ARHGAP15: variants seen among roughly 807,000 people sequenced by gnomAD.
ARHGAP15 encodes the protein Rho GTPase activating protein 15.
ARHGAP15 carries 51 observed loss-of-function variants against 63.7 expected under a neutral mutation model. That is an observed-to-expected ratio of 0.80 (90% CI 0.64 to 1.01). The LOEUF is 1.01. Among genes scored for constraint, ARHGAP15 ranks in the 50% least tolerant of loss-of-function variants. The pLI is 0.00. For missense variants in ARHGAP15, 560 were observed against 564.6 expected, an observed-to-expected ratio of 0.99 and a Z score of 0.08; for synonymous variants, 191 against 193.8, an observed-to-expected ratio of 0.99 and a Z score of 0.12.
chr2:143,585,424 C>G (rs147504972), intron 11 of ARHGAP15, among the ~76,000 whole-genome samples: 3 of 151,830 alleles, frequency 2.0e-5, no homozygotes, highest in Non-Finnish European at 2.9e-5. Flanking sequence ...AAATAAATAT[C>G]TTAATATTTA....
At chr2:143,459,044 G>C (rs972979254) in intron 8 of ARHGAP15, among the ~76,000 whole-genome samples, 1 of 152,094 alleles carries the variant, frequency 6.6e-6, no homozygotes, top group Non-Finnish European at 1.5e-5. Context: ...ATGCTTGGAG[G>C]CATAGTTGTA....
intron 10 of ARHGAP15, among the ~76,000 whole-genome samples, chr2:143,542,495 G>A (rs190300196): frequency 2.0e-5 from 3 of 151,736 alleles, no homozygotes; most frequent in East Asian, 3.9e-4. Flanking sequence ...GACTGGAGCT[G>A]TTCCTATTCG....
intron 8 of ARHGAP15, among the ~76,000 whole-genome samples, chr2:143,439,040 A>G (rs1689742035): frequency 2.0e-5 from 3 of 152,046 alleles, no homozygotes; most frequent in Non-Finnish European, 2.9e-5. Flanking sequence ...AAAATCTTAG[A>G]TAGAACACTC....
intron 8 of ARHGAP15, among the ~76,000 whole-genome samples, chr2:143,472,396 C>T (rs1371891408): frequency 1.3e-5 from 2 of 152,020 alleles, no homozygotes; most frequent in African/African-American, 4.8e-5. Flanking sequence ...AACATTCATG[C>T]AGTTGGAGAA....
chr2:143,533,011 C>T (rs1279485380), intron 10 of ARHGAP15, among the ~76,000 whole-genome samples: 1 of 152,138 alleles, frequency 6.6e-6, no homozygotes, highest in African/African-American at 2.4e-5. Flanking sequence ...ATTTTATGAA[C>T]AACAACTTCA....
intron 12 of ARHGAP15, among the ~76,000 whole-genome samples, chr2:143,667,068 G>A (rs1236078823): frequency 2.7e-5 from 4 of 150,728 alleles, no homozygotes; most frequent in Non-Finnish European, 5.9e-5. Flanking sequence ...TCCCATTACT[G>A]GGTATATACC....
intron 6 of ARHGAP15, among the ~76,000 whole-genome samples, chr2:143,381,230 T>C (rs1256634865): frequency 6.6e-6 from 1 of 152,176 alleles, no homozygotes; most frequent in Non-Finnish European, 1.5e-5. Context: ...GCTGTGATTT[T>C]AAGGTGCACT....
intron 10 of ARHGAP15, among the ~76,000 whole-genome samples, chr2:143,536,051 G>A (rs746226795): frequency 1.3e-5 from 2 of 152,024 alleles, no homozygotes; most frequent in African/African-American, 2.4e-5. Context: ...TCATAGATGA[G>A]AGCACTTAAC....
chr2:143,136,330 A>AT (rs1447449265), intron 1 of ARHGAP15, among the ~76,000 whole-genome samples: 1 of 144,562 alleles, frequency 6.9e-6, no homozygotes, highest in Non-Finnish European at 1.5e-5. Flanking sequence ...TTTATTTTTT[A>AT]TTTTTTTGGT....
intron 9 of ARHGAP15, among the ~76,000 whole-genome samples, chr2:143,499,493 T>C (rs1470052935): frequency 6.6e-6 from 1 of 152,170 alleles, no homozygotes; most frequent in Non-Finnish European, 1.5e-5. Flanking sequence ...TCTTTCTTTT[T>C]CTATTGTAGT....
intron 1 of ARHGAP15, among the ~76,000 whole-genome samples, chr2:143,142,374 T>C (rs1174585094): frequency 6.6e-6 from 1 of 152,116 alleles, no homozygotes; most frequent in Non-Finnish European, 1.5e-5. Flanking sequence ...AAAGCATCCA[T>C]TTATGTATAG....
At chr2:143,613,589 C>A (rs1035899013) in intron 11 of ARHGAP15, among the ~76,000 whole-genome samples, 8 of 152,168 alleles carry the variant, frequency 5.3e-5, no homozygotes, top group Admixed American at 3.9e-4. Flanking sequence ...TCTTTATAAA[C>A]TTCAGGAAAA....
chr2:143,321,077 C>T (rs1477560527), intron 6 of ARHGAP15, among the ~76,000 whole-genome samples: 2 of 152,236 alleles, frequency 1.3e-5, no homozygotes, highest in South Asian at 2.1e-4. Context: ...TGGATGCCTA[C>T]CCTGGCTCTC....
intron 11 of ARHGAP15, among the ~76,000 whole-genome samples, chr2:143,573,475 G>A (rs1023117788): frequency 1.4e-4 from 22 of 152,008 alleles, no homozygotes; most frequent in East Asian, 3.9e-4. Context: ...AGAAAATGCC[G>A]ACTTGATTAA....
At position 143,637,370 on chromosome 2, in the gene ARHGAP15, A is replaced by G. The variant is rs905604912; in HGVS notation, c.1138+13103A>G. Among the ~76,000 whole-genome samples the G allele has an allele frequency of 3.3e-5, 5 of 152,062 alleles. No individual in the cohort carries two copies. In the East Asian group the frequency reaches 9.7e-4, roughly 29 times the overall value. On this transcript the variant is annotated intron_variant, in intron 12 of 13. Transcript: ENST00000295095. ...ATTTAGAGTCCAAGTTCTCACTTTTACCATTTTCTCTCTCAGATAAGTTTG... is the reference window on the plus strand; with the variant it reads ...ATTTAGAGTCCAAGTTCTCACTTTTGCCATTTTCTCTCTCAGATAAGTTTG...
chr2:143,542,680 A>G (rs1288433262), intron 10 of ARHGAP15, among the ~76,000 whole-genome samples: 2 of 129,560 alleles, frequency 1.5e-5, no homozygotes, highest in African/African-American at 2.8e-5. Context: ...TATATATGAT[A>G]TGATATATAG....
At chr2:143,329,533 T>C (rs1391552957) in intron 6 of ARHGAP15, among the ~76,000 whole-genome samples, 1 of 152,168 alleles carries the variant, frequency 6.6e-6, no homozygotes, top group Non-Finnish European at 1.5e-5. Flanking sequence ...TAACCCCATC[T>C]GACACCTTGG....
chr2:143,713,985 G>A (rs148813258), intron 13 of ARHGAP15, among the ~76,000 whole-genome samples: 29 of 152,290 alleles, frequency 1.9e-4, no homozygotes, highest in African/African-American at 7.0e-4. Flanking sequence ...TCTGGGGTCT[G>A]GAGGATGGTG....
chr2:143,468,640 G>A (rs4662205), intron 8 of ARHGAP15, among the ~76,000 whole-genome samples: 244 of 36,788 alleles, frequency 6.6e-3, no homozygotes, highest in African/African-American at 0.017. Context: ...TTGTGAGAGA[G>A]AGAGAGAGAG....
Sources: gnomAD v4.1 joint callset for allele counts (sites outside exome capture counted in the v4.1 genomes callset) on GRCh38, gnomAD v4.1.1 for gene constraint, MANE v1.5 for transcripts, NCBI Gene and HGNC (gene_info 2026-07-23, HGNC 2026-07-21) for gene names.